VPS36: variants seen among roughly 807,000 people sequenced by gnomAD.
VPS36 encodes vacuolar protein-sorting-associated protein 36.
A neutral mutation model predicts 63.5 loss-of-function variants in VPS36; 31 were observed. The ratio of observed to expected loss-of-function variants is 0.49; its 90% CI spans 0.37 to 0.66. The LOEUF (loss-of-function observed/expected upper bound fraction) is 0.66, where lower values mean the gene tolerates loss of function less well. VPS36 is among the 30% of genes least tolerant of loss of function. VPS36 has a pLI of 0.00. For missense variants in VPS36, 338 were observed against 463.7 expected (o/e 0.73, Z 2.49); for synonymous variants, 138 against 157.2 (o/e 0.88, Z 0.91).
intron 6 of VPS36, among the ~76,000 whole-genome samples, chr13:52,431,825 G>C (rs1003890350): frequency 2.6e-5 from 4 of 151,224 alleles, no homozygotes; most frequent in Non-Finnish European, 5.9e-5. Flanking sequence ...GGTTGATTCC[G>C]GATCTGAGGC....
At chr13:52,419,607 T>A (rs763955636) in intron 10 of VPS36, among the ~76,000 whole-genome samples, 1 of 152,158 alleles carries the variant, frequency 6.6e-6, no homozygotes, top group Non-Finnish European at 1.5e-5. Flanking sequence ...AAACTGTAAA[T>A]AGAACTATCA....
At chr13:52,432,482 G>T (rs1437573761) in intron 6 of VPS36, among the ~76,000 whole-genome samples, 3 of 152,146 alleles carry the variant, frequency 2.0e-5, no homozygotes, top group Admixed American at 1.3e-4. Context: ...ATATGAACTG[G>T]ACAACCAAAT....
chr13:52,439,009 G>A (rs61959660), intron 3 of VPS36, 89 bp downstream of exon 3: 56,239 of 1,140,710 alleles, frequency 0.049, 1,616 homozygotes, highest in Middle Eastern at 0.087. Flanking sequence ...GAATGGATTC[G>A]TACATCAAGT....
chr13:52,434,510 C>T (rs1357870700), intron 5 of VPS36, among the ~76,000 whole-genome samples: 1 of 152,170 alleles, frequency 6.6e-6, no homozygotes, highest in Admixed American at 6.5e-5. Context: ...AGGCGTGCAC[C>T]AACCTGCCTG....
chr13:52,449,724 T>C (rs1287247479), intron 1 of VPS36, among the ~76,000 whole-genome samples: 1 of 152,054 alleles, frequency 6.6e-6, no homozygotes, highest in Non-Finnish European at 1.5e-5. Context: ...TTCAGTAAAG[T>C]ATCTACAAAA....
rs1318696283 is a variant in VPS36 at position 52,444,838 on chromosome 13, A to T, written c.97-2393T>A. Among the ~76,000 whole-genome samples the T allele has an allele frequency of 2.0e-5, 3 of 152,058 alleles. No homozygotes were observed. The East Asian group carries it at 5.8e-4, about 29-fold the overall frequency. ...CAACTTTGTTACATGTCTAATAAAT[A>T]AAAAAATCGATCACAGGCATGTATA... On this transcript the variant is annotated intron_variant, in intron 1 of 13. Coordinates refer to ENST00000378060, the MANE Select transcript of VPS36 (RefSeq NM_016075.4).
chr13:52,415,929 A>C lies in VPS36; in HGVS notation c.1068-6T>G. The C allele has an allele frequency of 1.2e-6, 2 of 1,613,432 alleles. No homozygotes were observed. Among genetic ancestry groups the C allele is most frequent in the Non-Finnish European group, 1.7e-6 (2 of 1,179,884 alleles). Reference sequence around the variant, plus strand: ...TCTTCTCTGCAAGCAGCAACCTAAAAAAAAACAACAAAAAAACCCCCACAC... The same window carrying C: ...TCTTCTCTGCAAGCAGCAACCTAAACAAAAACAACAAAAAAACCCCCACAC... On this transcript the variant is annotated splice_polypyrimidine_tract_variant and splice_region_variant and intron_variant, in intron 13 of 13. Coordinates refer to ENST00000378060, the MANE Select transcript of VPS36 (RefSeq NM_016075.4).
intron 10 of VPS36, among the ~76,000 whole-genome samples, chr13:52,422,250 T>C (rs1173892050): frequency 1.3e-5 from 2 of 152,212 alleles, no homozygotes. Flanking sequence ...TCACTTAACA[T>C]AAGGACTTCC....
At position 52,439,100 on chromosome 13, in the gene VPS36, C is replaced by T. The variant is rs769643711; in HGVS notation, c.234G>A (p.Lys78=). Residue 78 remains lysine, a splice_region_variant and synonymous_variant, in exon 3 of 14, where the codon AAG becomes AAA. Transcript: ENST00000378060. The stretch of plus-strand genomic sequence containing the variant: ...GACTGTGCTATACACAGACTTACCT[C>T]TTCCCAATTCCAGCCGCCTGTTCTT... ...FIEEQAAGIG[K]SAKIVVHLHP... is the part of the protein sequence containing the mutation. 1 of 1,613,588 alleles carries T rather than the reference C, an allele frequency of 6.2e-7. No individual in the cohort carries two copies. The highest frequency in any genetic ancestry group is 8.5e-7 in the Non-Finnish European group (1 of 1,179,744).
chr13:52,426,256 T>A (rs1958099823), intron 8 of VPS36, among the ~76,000 whole-genome samples, 190 bp from the exon 9 acceptor site: 1 of 152,244 alleles, frequency 6.6e-6, no homozygotes, highest in South Asian at 2.1e-4. Flanking sequence ...TTCTCCTTCC[T>A]ACTTCTCTCC....
At chr13:52,430,609 G>T (rs1400091840) in intron 6 of VPS36, among the ~76,000 whole-genome samples, 1 of 151,062 alleles carries the variant, frequency 6.6e-6, no homozygotes, top group Non-Finnish European at 1.5e-5. Context: ...TCCAGCGTGG[G>T]CAACAGAGCA....
intron 3 of VPS36, among the ~76,000 whole-genome samples, chr13:52,437,695 C>G (rs913582322): frequency 6.6e-6 from 1 of 152,148 alleles, no homozygotes; most frequent in African/African-American, 2.4e-5. Flanking sequence ...CTTTGGGAGG[C>G]TGAGGCGGGT....
chr13:52,434,943 T>A, intron 4 of VPS36, 61 bp from the exon 5 acceptor site: 8 of 1,365,776 alleles, frequency 5.9e-6, no homozygotes, highest in African/African-American at 1.5e-5. Context: ...CTTGTATAAA[T>A]CATTACTTAA....
rs1957989637 is a variant in VPS36, at chr13:52,416,030, G to A, written c.1054C>T (p.Leu352=). 3 of 1,613,936 alleles carry A rather than the reference G, an allele frequency of 1.9e-6. No individual in the cohort carries two copies. Among genetic ancestry groups the A allele is most frequent in the Non-Finnish European group, 8.5e-7 (1 of 1,179,954 alleles). Residue 352 remains leucine, a synonymous_variant, in exon 13 of 14, where the codon CTA becomes TTA. Coordinates refer to ENST00000378060, the MANE Select transcript of VPS36 (RefSeq NM_016075.4). Reference sequence around the variant, plus strand: ...AACCTTACTTACCTTTCTTTGGCTAGGAGGACAGACATTCCCACAAGCTTA... The same window carrying A: ...AACCTTACTTACCTTTCTTTGGCTAAGAGGACAGACATTCCCACAAGCTTA... ...FAKLVGMSVL[L]AKERLLLAEK... is the part of the protein sequence containing the mutation.
intron 3 of VPS36, among the ~76,000 whole-genome samples, chr13:52,438,354 T>C (rs540828775): frequency 6.6e-4 from 100 of 152,358 alleles, no homozygotes; most frequent in African/African-American, 2.3e-3. Context: ...TAGTTTCTTT[T>C]ATATCAAATA....
chr13:52,442,700 G>A (rs938454639), intron 1 of VPS36, among the ~76,000 whole-genome samples: 1 of 152,138 alleles, frequency 6.6e-6, no homozygotes, highest in Non-Finnish European at 1.5e-5. Flanking sequence ...GCATGCAAAG[G>A]TTAAAAAGAA....
chr13:52,444,891 A>C (rs901654004), intron 1 of VPS36, among the ~76,000 whole-genome samples: 1 of 152,196 alleles, frequency 6.6e-6, no homozygotes, highest in African/African-American at 2.4e-5. Context: ...ACTATATATA[A>C]ATCATTTTTT....
At chr13:52,438,158 A>T (rs1958237908) in intron 3 of VPS36, among the ~76,000 whole-genome samples, 2 of 152,080 alleles carry the variant, frequency 1.3e-5, no homozygotes, top group African/African-American at 4.8e-5. Context: ...TTTTTAGTTT[A>T]GATTTCCTTG....
In VPS36 at chr13:52,415,417, T is replaced by C. The variant is rs1174748717; in HGVS notation, c.*413A>G. ...ATATAGCATGCTGCAGTATATTTTG[T>C]CCCAACATTGTCATGTGCAATCAGT... is the stretch of plus-strand genomic sequence containing the variant. On this transcript the variant is annotated 3_prime_UTR_variant, in exon 14 of 14. Transcript: ENST00000378060. 6.1e-6 allele frequency: 1 copy of C among 164,408 alleles called. No individual in the cohort carries two copies. Among genetic ancestry groups the C allele is most frequent in the Admixed American group, 6.0e-5 (1 of 16,532 alleles). The allele number at this position is 164,408 out of a possible 1,614,324, so 10.2% of individuals were successfully genotyped here.
Sources: allele counts gnomAD v4.1 joint callset (sites outside exome capture counted in the v4.1 genomes callset), GRCh38; gene constraint gnomAD v4.1.1; transcripts MANE v1.5; gene names NCBI Gene and HGNC (gene_info 2026-07-23, HGNC 2026-07-21).